Variants in STARD13 observed in about 807,000 individuals in gnomAD.
STARD13 encodes the protein stAR-related lipid transfer protein 13.
A neutral mutation model predicts 106.4 loss-of-function variants in STARD13; 62 were observed. The observed-to-expected ratio is 0.58, with a 90% CI of 0.48 to 0.72. The LOEUF is 0.72. STARD13 is among the 30% of genes least tolerant of loss of function. The pLI, the probability that STARD13 is intolerant of heterozygous loss-of-function variation, is 0.00. For missense variants in STARD13, 1,387 were observed against 1,424.0 expected, an observed-to-expected ratio of 0.97 and a Z score of 0.42; for synonymous variants, 565 against 553.0, an observed-to-expected ratio of 1.02 and a Z score of -0.31.
the STARD13 span, among the ~76,000 whole-genome samples, chr13:33,658,546 T>A: frequency 1.3e-5 from 2 of 152,256 alleles, no homozygotes; most frequent in African/African-American, 4.8e-5. Context: ...AGGGACAGTT[T>A]CTGACTCTTA....
the STARD13 span, among the ~76,000 whole-genome samples, chr13:33,396,677 A>G: frequency 6.6e-6 from 1 of 152,220 alleles, no homozygotes; most frequent in Non-Finnish European, 1.5e-5. Context: ...AAAAACAAAC[A>G]AAAGGGGATA....
At chr13:33,622,574 GC>G in the STARD13 span, among the ~76,000 whole-genome samples, 1 of 129,494 alleles carries the variant, frequency 7.7e-6, no homozygotes, top group Non-Finnish European at 1.6e-5. Flanking sequence ...GGGAGGTGGA[GC>G]TTGCACTCCA....
At chr13:33,395,021 A>G in the STARD13 span, among the ~76,000 whole-genome samples, 2 of 152,222 alleles carry the variant, frequency 1.3e-5, no homozygotes, top group Non-Finnish European at 2.9e-5. Flanking sequence ...ATCCATCAGG[A>G]CTCAGGGAGC....
chr13:33,409,980 A>G, the STARD13 span, among the ~76,000 whole-genome samples: 5 of 152,200 alleles, frequency 3.3e-5, no homozygotes, highest in Admixed American at 1.3e-4. Context: ...TTTGTTCTTT[A>G]GCAATCTCTT....
intron 3 of STARD13, among the ~76,000 whole-genome samples, chr13:33,144,444 A>T (rs1300485135): frequency 6.6e-6 from 1 of 152,166 alleles, no homozygotes; most frequent in Non-Finnish European, 1.5e-5. Context: ...TCAGCCTCCT[A>T]ATTGGTTTCA....
the STARD13 span, among the ~76,000 whole-genome samples, chr13:33,602,195 G>A: frequency 1.3e-5 from 2 of 151,336 alleles, no homozygotes; most frequent in African/African-American, 4.9e-5. Context: ...AGGTTCAAGC[G>A]ATTCTTCTGC....
chr13:33,536,605 T>C, the STARD13 span, among the ~76,000 whole-genome samples: 2 of 152,206 alleles, frequency 1.3e-5, no homozygotes, highest in Non-Finnish European at 2.9e-5. Context: ...GAAGTCAATG[T>C]CTTATATTCA....
At chr13:33,352,143 C>T (rs922823857), upstream of STARD13, among the ~76,000 whole-genome samples, 4 of 152,198 alleles carry the variant, frequency 2.6e-5, no homozygotes, top group Non-Finnish European at 2.9e-5. Context: ...CAGAAACGGA[C>T]TTGAAACTGT....
At chr13:33,301,284 C>T (rs1892698353) in intron 1 of STARD13, among the ~76,000 whole-genome samples, 2 of 152,178 alleles carry the variant, frequency 1.3e-5, no homozygotes, top group South Asian at 2.1e-4. Context: ...TGCACAAGGG[C>T]ATCTGATTAC....
chr13:33,435,962 A>G, the STARD13 span, among the ~76,000 whole-genome samples: 1 of 152,180 alleles, frequency 6.6e-6, no homozygotes, highest in Non-Finnish European at 1.5e-5. Context: ...GGATTTGGCT[A>G]GTACTTTTGA....
chr13:33,478,637 TG>T, the STARD13 span, among the ~76,000 whole-genome samples: 2 of 152,178 alleles, frequency 1.3e-5, no homozygotes, highest in African/African-American at 4.8e-5. Flanking sequence ...AAGGTCAGGC[TG>T]GGCATGGTGG....
At chr13:33,262,648 C>A (rs2555609) in intron 1 of STARD13, among the ~76,000 whole-genome samples, 58,384 of 141,124 alleles carry the variant, frequency 0.41, 13,372 homozygotes, top group African/African-American at 0.6. Context: ...ACCCCCCCCC[C>A]CACACACACA....
chr13:33,659,766 C>T, the STARD13 span: 1 of 152,172 alleles, frequency 6.6e-6, no homozygotes, highest in Admixed American at 6.5e-5. Context: ...TTTCAGGCAT[C>T]AGTTGCAGCT....
the STARD13 span, among the ~76,000 whole-genome samples, chr13:33,568,251 CAGTCTGCTTGGACTTGTGGAGAGGT>C: frequency 6.8e-6 from 1 of 147,838 alleles, no homozygotes; most frequent in South Asian, 2.1e-4. Context: ...ATAAAGACAC[CAGTCTGCTTGGACTTGTGGAGAGGT>C]AGCAAACAGG....
At chr13:33,585,960 A>G in the STARD13 span, among the ~76,000 whole-genome samples, 1 of 152,150 alleles carries the variant, frequency 6.6e-6, no homozygotes, top group South Asian at 2.1e-4. Flanking sequence ...TTACTGTTTG[A>G]TGGGGATGAA....
chr13:33,236,984 C>T (rs1014311059), intron 1 of STARD13, among the ~76,000 whole-genome samples: 4 of 152,118 alleles, frequency 2.6e-5, no homozygotes, highest in African/African-American at 4.8e-5. Context: ...AGGATATATA[C>T]CCTTATGGAA....
chr13:33,519,093 T>G, the STARD13 span, among the ~76,000 whole-genome samples: 1 of 152,024 alleles, frequency 6.6e-6, no homozygotes, highest in African/African-American at 2.4e-5. Flanking sequence ...TCATTATGCA[T>G]CACCAGCCCC....
chr13:33,254,421 T>A (rs997999725), intron 1 of STARD13, among the ~76,000 whole-genome samples: 1 of 152,180 alleles, frequency 6.6e-6, no homozygotes. Flanking sequence ...GGCCTCTCAA[T>A]CCCTTCATAG....
At chr13:33,634,260 T>C in the STARD13 span, among the ~76,000 whole-genome samples, 2 of 152,164 alleles carry the variant, frequency 1.3e-5, no homozygotes, top group Non-Finnish European at 2.9e-5. Context: ...CAAAGACATG[T>C]CAGAACTCCT....
Sources: allele counts gnomAD v4.1 joint callset (sites outside exome capture counted in the v4.1 genomes callset), GRCh38; gene constraint gnomAD v4.1.1; transcripts MANE v1.5; gene names NCBI Gene and HGNC (gene_info 2026-07-23, HGNC 2026-07-21).